PITPNA: variants seen among roughly 807,000 people sequenced by gnomAD.
PITPNA encodes the protein phosphatidylinositol transfer protein alpha isoform.
In PITPNA, 13 loss-of-function variants were observed where a neutral mutation model predicts 50.3. That is an observed-to-expected ratio of 0.26 (90% CI 0.17 to 0.41). The LOEUF (loss-of-function observed/expected upper bound fraction) is 0.41, where lower values mean the gene tolerates loss of function less well. Ranked by LOEUF, PITPNA falls within the 10% of genes least tolerant of loss-of-function variation. The pLI, the probability that PITPNA is intolerant of heterozygous loss-of-function variation, is 1.00. For synonymous variants in PITPNA, 120 were observed against 119.6 expected (o/e 1.00, Z -0.02); for missense variants, 207 against 333.4 (o/e 0.62, Z 2.95).
chr17:1,532,346 C>T (rs528889640), intron 10 of PITPNA, among the ~76,000 whole-genome samples: 1 of 152,236 alleles, frequency 6.6e-6, no homozygotes, highest in South Asian at 2.1e-4. Flanking sequence ...CTTAGCCTCC[C>T]AAAGTGCTGG....
rs1283463998 is a variant in PITPNA at position 1,562,599 on chromosome 17, G to T, written c.-39C>A. ...TCGGTGGCTGCCCGCGGCCCGCCCG[G>T]CCTCCCGCCCGCTGCCCGCCGGCCG... On this transcript the variant is annotated 5_prime_UTR_variant, in exon 1 of 12. Transcript: ENST00000313486. The surrounding 1 kb of genome is among the most constrained non-coding windows in gnomAD (Gnocchi z 6.4). The T allele has an allele frequency of 1.6e-6, 2 of 1,245,670 alleles. No individual in the cohort carries two copies. The highest frequency in any genetic ancestry group is 2.0e-6 in the Non-Finnish European group (2 of 991,466). 77.2% of individuals were successfully genotyped at this position (1,245,670 alleles called of 1,614,324 possible).
intron 4 of PITPNA, 95 bp downstream of exon 4, chr17:1,548,201 C>A: frequency 1.3e-6 from 1 of 765,532 alleles, no homozygotes; most frequent in South Asian, 1.8e-5. Context: ...GGACCCAGCC[C>A]GAGCCTTTCC....
At chr17:1,559,667 G>C in intron 1 of PITPNA, 1 of 575,204 alleles carries the variant, frequency 1.7e-6, no homozygotes, top group South Asian at 7.6e-5. Flanking sequence ...CAGGCTCCTT[G>C]CTCCAGGCTA....
In PITPNA at chr17:1,562,480, G is replaced by T; in HGVS notation, c.20+61C>A. ...GCCCTGCGTCCCTCGCCGCGCCGTCGCCCCGGCGGCCGTCCCCACCCTCCC... is the reference window on the plus strand; with the variant it reads ...GCCCTGCGTCCCTCGCCGCGCCGTCTCCCCGGCGGCCGTCCCCACCCTCCC... On this transcript the variant is annotated intron_variant, in intron 1 of 11. Coordinates refer to ENST00000313486, the MANE Select transcript of PITPNA (RefSeq NM_006224.4). The surrounding 1 kb of genome is among the most constrained non-coding windows in gnomAD (Gnocchi z 6.4). 1.5e-6 allele frequency: 2 copies of T among 1,326,936 alleles called. No homozygotes were observed. Among genetic ancestry groups the T allele is most frequent in the South Asian group, 1.5e-5 (1 of 64,794 alleles). The allele number at this position is 1,326,936 out of a possible 1,614,324, so 82.2% of individuals were successfully genotyped here. A position where few individuals can be genotyped will look rare whatever the true frequency, so the allele number is the denominator to read the frequency against.
chr17:1,555,683 G>A (rs2075731671), intron 2 of PITPNA, among the ~76,000 whole-genome samples: 3 of 152,168 alleles, frequency 2.0e-5, no homozygotes, highest in African/African-American at 4.8e-5. Flanking sequence ...CATGAAACAC[G>A]TCATAAACAA....
At position 1,553,027 on chromosome 17, in the gene PITPNA, T is replaced by C. The variant is rs1395136264; in HGVS notation, c.174A>G (p.Thr58=). The change falls in exon 3 of 12, where the codon ACA becomes ACG. Residue 58 remains threonine (T), a synonymous_variant. Coordinates refer to ENST00000313486, the MANE Select transcript of PITPNA (RefSeq NM_006224.4). The part of the protein sequence containing the change: ...YEKDGEKGQY[T]HKIYHLQSKV... ...ACCTCTGCAGGTGGTAGATCTTGTG[T>C]GTGTACTGGCCTTTCTCACCGTCCT... The C allele has an allele frequency of 1.9e-6, 3 of 1,613,742 alleles. No individual in the cohort carries two copies. The highest frequency in any genetic ancestry group is 1.3e-5 in the African/African-American group (1 of 74,842).
At chr17:1,553,214 C>A in intron 2 of PITPNA, 65 bp from the exon 3 acceptor site, 1 of 1,567,236 alleles carries the variant, frequency 6.4e-7, no homozygotes, top group Non-Finnish European at 8.8e-7. Flanking sequence ...CGTAATCCAG[C>A]TGCCAGTAAG....
intron 10 of PITPNA, among the ~76,000 whole-genome samples, chr17:1,526,512 G>A (rs752026410): frequency 7.2e-5 from 11 of 152,200 alleles, no homozygotes; most frequent in Non-Finnish European, 1.3e-4. Flanking sequence ...AAGACAATTT[G>A]CTCACTAATG....
At chr17:1,543,276 T>C (rs2075657024) in intron 4 of PITPNA, among the ~76,000 whole-genome samples, 1 of 152,092 alleles carries the variant, frequency 6.6e-6, no homozygotes, top group Non-Finnish European at 1.5e-5. Flanking sequence ...CGCTATGGGC[T>C]TCTTGGGATT....
rs981190239 is a variant in PITPNA, at chr17:1,520,552, G to T, written c.*23-14C>A. On this transcript the variant is annotated splice_polypyrimidine_tract_variant and intron_variant, in intron 11 of 11. Transcript: ENST00000313486. ...TGTCTTGCAAAACTAGAAGAAAAAT[G>T]AAAGTATTAAGGAAGCAAGAGGAGA... The T allele has an allele frequency of 1.3e-5, 2 of 151,676 alleles. No homozygotes were observed. Among genetic ancestry groups the T allele is most frequent in the African/African-American group, 4.9e-5 (2 of 41,228 alleles). 9.4% of individuals were successfully genotyped at this position (151,676 alleles called of 1,614,324 possible). A position where few individuals can be genotyped will look rare whatever the true frequency, so the allele number is the denominator to read the frequency against.
At chr17:1,547,981 G>A (rs896720832) in intron 4 of PITPNA, among the ~76,000 whole-genome samples, 5 of 152,274 alleles carry the variant, frequency 3.3e-5, no homozygotes, top group East Asian at 1.9e-4. Flanking sequence ...GCAACAGAGC[G>A]AGACTCCATC....
chr17:1,523,657 G>A (rs1014157445), intron 10 of PITPNA, among the ~76,000 whole-genome samples: 2 of 150,756 alleles, frequency 1.3e-5, no homozygotes, highest in Admixed American at 6.6e-5. Flanking sequence ...ATAGGCACAC[G>A]CCACCATGCC....
At chr17:1,521,727 G>A in intron 10 of PITPNA, 82 bp from the exon 11 acceptor site, 2 of 1,149,200 alleles carry the variant, frequency 1.7e-6, no homozygotes, top group African/African-American at 3.0e-5. Context: ...CATAGGTGGG[G>A]TGGGGCATAT....
At chr17:1,554,516 G>A (rs1177273905) in intron 2 of PITPNA, among the ~76,000 whole-genome samples, 6 of 147,620 alleles carry the variant, frequency 4.1e-5, no homozygotes, top group Admixed American at 2.1e-4. Flanking sequence ...CTCAGCCTCC[G>A]AAGTAGCTGG....
chr17:1,537,801 T>TTG (rs140453081), intron 7 of PITPNA, among the ~76,000 whole-genome samples: 16,772 of 151,144 alleles, frequency 0.11, 1,036 homozygotes, highest in South Asian at 0.17. Flanking sequence ...CAAAATAACT[T>TTG]TGTGTGTGTG....
chr17:1,527,040 G>A (rs1380059790), intron 10 of PITPNA, among the ~76,000 whole-genome samples: 2 of 152,180 alleles, frequency 1.3e-5, no homozygotes, highest in East Asian at 1.9e-4. Flanking sequence ...TTACAGGTGT[G>A]AGCCATCGCA....
At position 1,547,969 on chromosome 17, in the gene PITPNA, G is replaced by A. The variant is rs150936753; in HGVS notation, c.289+327C>T. Reference sequence around the variant, plus strand: ...AGATCACGCCACTGTGCTCCAGTCTGGGCAACAGAGCGAGACTCCATCTCC... The same window carrying A: ...AGATCACGCCACTGTGCTCCAGTCTAGGCAACAGAGCGAGACTCCATCTCC... On this transcript the variant is annotated intron_variant, in intron 4 of 11. Transcript: ENST00000313486. 6.5e-3 allele frequency among the ~76,000 whole-genome samples: 989 copies of A among 151,930 alleles called. 7 individuals are homozygous for A. The highest frequency in any genetic ancestry group is 0.022 in the African/African-American group (922 of 41,412).
At position 1,531,470 on chromosome 17, in the gene PITPNA, C is replaced by G. The variant is rs776984713; in HGVS notation, c.768+2629G>C. On this transcript the variant is annotated intron_variant, in intron 10 of 11. Coordinates refer to ENST00000313486, the MANE Select transcript of PITPNA (RefSeq NM_006224.4). ...GCGTGAACCAGGGAGGTGGAGCTTG[C>G]AGTGAGCCGAGATCGTGCCACTGCA... Among the ~76,000 whole-genome samples the G allele has an allele frequency of 1.7e-3, 264 of 152,162 alleles. 1 individual carries two copies. The highest frequency in any genetic ancestry group is 3.4e-3 in the Non-Finnish European group (231 of 67,998).
intron 7 of PITPNA, among the ~76,000 whole-genome samples, chr17:1,536,764 T>G (rs117768322): frequency 0.051 from 7,630 of 150,650 alleles, 240 homozygotes; most frequent in Non-Finnish European, 0.075. Flanking sequence ...AGGGTAATTT[T>G]TGTATTTTTG....
Sources: allele counts gnomAD v4.1 joint callset (sites outside exome capture counted in the v4.1 genomes callset), GRCh38; gene constraint gnomAD v4.1.1; non-coding constraint Gnocchi (gnomAD v3.1); transcripts MANE v1.5; gene names NCBI Gene and HGNC (gene_info 2026-07-23, HGNC 2026-07-21).